The following FMN1 variants were observed in gnomAD, a reference collection of about 807,000 sequenced individuals.
FMN1 encodes formin-1.
In FMN1, 110 loss-of-function variants were observed where a neutral mutation model predicts 132.4. The ratio of observed to expected loss-of-function variants is 0.83; its 90% confidence interval spans 0.71 to 0.97. FMN1 has a LOEUF of 0.97. Ranked by LOEUF, FMN1 falls within the 50% of genes least tolerant of loss-of-function variation. The probability of loss-of-function intolerance (pLI) is 0.00; values close to 1 mark genes in which losing one functional copy is unlikely to be tolerated. For synonymous variants in FMN1, 722 were observed against 651.7 expected, an observed-to-expected ratio of 1.11 and a Z score of -1.64; for missense variants, 1,792 against 1,705.3, an observed-to-expected ratio of 1.05 and a Z score of -0.90.
chr15:33,014,642 G>A (rs1474873383), intron 6 of FMN1, among the ~76,000 whole-genome samples: 3 of 150,498 alleles, frequency 2.0e-5, no homozygotes, highest in East Asian at 1.9e-4. Context: ...CATTTTGGAG[G>A]AAAAAAAAAT....
rs555760509 is a variant in FMN1, at chr15:33,024,223, A to ATTTTTTTTTTT, written c.2162-16159_2162-16149dup. ...GGGAATACTATTTCACACCTATCAG[A>ATTTTTTTTTTT]TTTTTTTTTTTTTTTTTTTTTTTTT... is the stretch of plus-strand genomic sequence containing the variant. On this transcript the variant is annotated intron_variant, in intron 6 of 20. Transcript: ENST00000616417. 5.8e-4 allele frequency among the ~76,000 whole-genome samples: 51 copies of ATTTTTTTTTTT among 88,006 alleles called. 11 individuals carry two copies. Among genetic ancestry groups the ATTTTTTTTTTT allele is most frequent in the East Asian group, 1.9e-3 (4 of 2,086 alleles). The allele number at this position is 88,006 out of a possible 152,430, so 57.7% of individuals were successfully genotyped here. A position where few individuals can be genotyped will look rare whatever the true frequency, so the allele number is the denominator to read the frequency against.
chr15:33,108,618 C>T (rs1486584042), intron 4 of FMN1, among the ~76,000 whole-genome samples: 1 of 151,982 alleles, frequency 6.6e-6, no homozygotes, highest in Non-Finnish European at 1.5e-5. Flanking sequence ...ATGAAAACTA[C>T]CCAATCATTC....
At chr15:33,053,689 G>A (rs2037084374) in intron 6 of FMN1, among the ~76,000 whole-genome samples, 1 of 152,036 alleles carries the variant, frequency 6.6e-6, no homozygotes, top group Non-Finnish European at 1.5e-5. Context: ...AAAAAATGCT[G>A]TCTGTATTGT....
chr15:33,064,780 G>A (rs1333397119), intron 6 of FMN1, 177 bp downstream of exon 6: 5 of 442,322 alleles, frequency 1.1e-5, no homozygotes, highest in Non-Finnish European at 2.0e-5. Flanking sequence ...TCTTTCAGAG[G>A]CTCGTTAACA....
chr15:32,865,297 A>G (rs2059366656), intron 16 of FMN1, among the ~76,000 whole-genome samples: 1 of 152,254 alleles, frequency 6.6e-6, no homozygotes, highest in Non-Finnish European at 1.5e-5. Flanking sequence ...AGCTGCCTAA[A>G]GCTAATTAGA....
rs57232200 is a variant in FMN1, at chr15:33,185,568, A to ATTTTTTTTTTTTTTT, written c.-196-5321_-196-5307dup. 1.3e-3 allele frequency among the ~76,000 whole-genome samples: 153 copies of ATTTTTTTTTTTTTTT among 113,384 alleles called. 9 individuals are homozygous for ATTTTTTTTTTTTTTT. Among genetic ancestry groups the ATTTTTTTTTTTTTTT allele is most frequent in the African/African-American group, 5.9e-3 (141 of 23,852 alleles). 74.4% of individuals were successfully genotyped at this position (113,384 alleles called of 152,430 possible). On this transcript the variant is annotated intron_variant, in intron 2 of 20. Coordinates refer to ENST00000616417, the MANE Select transcript of FMN1 (RefSeq NM_001277313.2). ...GTAATTTTTTTTTAATAAAGTAAGAATTTTTTTTTTTTTTTTTTTTTTACA... is the reference window on the plus strand; with the variant it reads ...GTAATTTTTTTTTAATAAAGTAAGAATTTTTTTTTTTTTTTTTTTTTTTTTTTTTTTTTTTTTACA...
At chr15:32,849,196 T>G (rs2058943166) in intron 17 of FMN1, among the ~76,000 whole-genome samples, 1 of 151,174 alleles carries the variant, frequency 6.6e-6, no homozygotes, top group Non-Finnish European at 1.5e-5. Context: ...TTTCATCGTG[T>G]TAGCCAGGAT....
At chr15:33,020,531 T>C (rs1324991109) in intron 6 of FMN1, among the ~76,000 whole-genome samples, 3 of 151,410 alleles carry the variant, frequency 2.0e-5, no homozygotes, top group Admixed American at 2.0e-4. Context: ...CCTGTAATCC[T>C]GGCTACTCAG....
At chr15:32,827,081 T>C (rs1351281711) in intron 17 of FMN1, among the ~76,000 whole-genome samples, 2 of 152,192 alleles carry the variant, frequency 1.3e-5, no homozygotes, top group Non-Finnish European at 2.9e-5. Context: ...CTCCCTTTCA[T>C]GAACAGGTTG....
At position 32,798,913 on chromosome 15, in the gene FMN1, A is replaced by G. The variant is rs1365513400; in HGVS notation, c.4021T>C (p.Ser1341Pro). The G allele has an allele frequency of 1.9e-6, 3 of 1,613,698 alleles. No individual in the cohort carries two copies. The highest frequency in any genetic ancestry group is 2.5e-6 in the Non-Finnish European group (3 of 1,179,790). ...TVRYFGMKPK[S>P]GEKEITPSYV... Reference sequence around the variant, plus strand: ...CTGGGTGTGATCTCCTTCTCACCAGACTTTGGCTTCATCCCAAAATATCGT... The same window carrying G: ...CTGGGTGTGATCTCCTTCTCACCAGGCTTTGGCTTCATCCCAAAATATCGT... The change falls in exon 19 of 21, where the codon TCT becomes CCT. Residue 1341 changes from serine to proline, a missense_variant. Coordinates refer to ENST00000616417, the MANE Select transcript of FMN1 (RefSeq NM_001277313.2).
At chr15:33,023,059 C>CAAAAAAAA (rs758459713) in intron 6 of FMN1, among the ~76,000 whole-genome samples, 14 of 53,176 alleles carry the variant, frequency 2.6e-4, no homozygotes, top group East Asian at 4.8e-4. Flanking sequence ...CTCCCCCACC[C>CAAAAAAAA]AAAAAAAAAA....
intron 7 of FMN1, among the ~76,000 whole-genome samples, chr15:32,988,524 C>T (rs1177084968): frequency 6.6e-6 from 1 of 152,136 alleles, no homozygotes; most frequent in Non-Finnish European, 1.5e-5. Context: ...TTTTTCTGCC[C>T]ATCACTTAGA....
chr15:32,827,524 T>C (rs2058396778), intron 17 of FMN1, among the ~76,000 whole-genome samples: 2 of 152,308 alleles, frequency 1.3e-5, no homozygotes, highest in East Asian at 1.9e-4. Context: ...TTCACATTAT[T>C]GTCTTGTTCA....
chr15:32,875,332 A>C (rs1008681393), intron 16 of FMN1, among the ~76,000 whole-genome samples: 1 of 151,802 alleles, frequency 6.6e-6, no homozygotes, highest in South Asian at 2.1e-4. Flanking sequence ...CACCATCTAC[A>C]GGAAAGTTCT....
chr15:32,819,438 T>G (rs2058148897), intron 17 of FMN1, among the ~76,000 whole-genome samples: 1 of 152,226 alleles, frequency 6.6e-6, no homozygotes, highest in African/African-American at 2.4e-5. Context: ...CTGCTGTTTT[T>G]ATGGCTGGTC....
At chr15:33,006,305 TA>T (rs2034411569) in intron 7 of FMN1, among the ~76,000 whole-genome samples, 1 of 152,108 alleles carries the variant, frequency 6.6e-6, no homozygotes, top group Non-Finnish European at 1.5e-5. Flanking sequence ...CCAACATCAC[TA>T]ATCATCAGGG....
chr15:33,110,168 A>G (rs896868537), intron 4 of FMN1, among the ~76,000 whole-genome samples: 1 of 152,118 alleles, frequency 6.6e-6, no homozygotes, highest in Admixed American at 6.6e-5. Flanking sequence ...TCTAAAATGC[A>G]AACATTCTAT....
chr15:32,981,381 G>A (rs545665085), intron 7 of FMN1, among the ~76,000 whole-genome samples: 74 of 151,588 alleles, frequency 4.9e-4, no homozygotes, highest in African/African-American at 1.7e-3. Flanking sequence ...AGTCCCAGCC[G>A]GTGGCAGGCA....
intron 7 of FMN1, among the ~76,000 whole-genome samples, chr15:32,992,344 CATTAT>C (rs1448904819): frequency 2.6e-5 from 4 of 152,262 alleles, no homozygotes; most frequent in African/African-American, 9.6e-5. Flanking sequence ...ACCCTCTTCT[CATTAT>C]AATAATCACA....
Sources: gnomAD v4.1 joint callset for allele counts (sites outside exome capture counted in the v4.1 genomes callset) on GRCh38, gnomAD v4.1.1 for gene constraint, MANE v1.5 for transcripts, NCBI Gene and HGNC (gene_info 2026-07-23, HGNC 2026-07-21) for gene names.